Variants in ANKRD66 observed in about 807,000 individuals in gnomAD.
ANKRD66 encodes ankyrin repeat domain-containing protein 66.
A neutral mutation model predicts 10.9 loss-of-function variants in ANKRD66; 10 were observed. That is an observed-to-expected ratio of 0.91 (90% CI 0.56 to 1.55). The LOEUF is 1.55. ANKRD66 is among the 40% of genes most tolerant of loss of function. The pLI is 0.00. For synonymous variants in ANKRD66, 85 were observed against 88.4 expected (o/e 0.96, Z 0.22); for missense variants, 252 against 242.9 (o/e 1.04, Z -0.25).
chr6:46,758,491 A>G (rs1766422400), intron 4 of ANKRD66: 1 of 389,896 alleles, frequency 2.6e-6, no homozygotes, highest in East Asian at 3.7e-5. Context: ...AAGCTGAGTG[A>G]CTATCTTTGA....
At chr6:46,757,853 A>T (rs1582608681) in intron 4 of ANKRD66, 1 of 152,240 alleles carries the variant, frequency 6.6e-6, no homozygotes, top group Non-Finnish European at 1.5e-5. Context: ...GCTGGACATC[A>T]AGAAGGTTAA....
chr6:46,749,550 T>TCCCCCC (rs67764778), intron 1 of ANKRD66, among the ~76,000 whole-genome samples: 5 of 57,064 alleles, frequency 8.8e-5, no homozygotes, highest in African/African-American at 1.4e-4. Flanking sequence ...TCTCTTTTAT[T>TCCCCCC]CCCCCCCCCC....
intron 2 of ANKRD66, among the ~76,000 whole-genome samples, chr6:46,750,511 TTTG>T (rs1460444908): frequency 6.6e-6 from 1 of 151,714 alleles, no homozygotes; most frequent in Admixed American, 6.6e-5. Context: ...CTGCATTCAG[TTTG>T]TTGTTTTGGT....
At chr6:46,752,747 C>A (rs141222702) in intron 3 of ANKRD66, among the ~76,000 whole-genome samples, 196 of 152,294 alleles carry the variant, frequency 1.3e-3, no homozygotes, top group African/African-American at 4.5e-3. Context: ...GCCCTCTCAA[C>A]CTCTAACAGG....
chr6:46,747,746 C>T (rs1766180631), intron 1 of ANKRD66, among the ~76,000 whole-genome samples: 1 of 152,096 alleles, frequency 6.6e-6, no homozygotes, highest in African/African-American at 2.4e-5. Flanking sequence ...ATAAATAATG[C>T]TTCTAAGAAC....
chr6:46,752,505 G>T (rs576815400), intron 3 of ANKRD66, among the ~76,000 whole-genome samples: 10 of 152,198 alleles, frequency 6.6e-5, no homozygotes, highest in Admixed American at 3.3e-4. Context: ...AAAGTGCTGG[G>T]ATTACAGGCG....
At chr6:46,749,590 A>T (rs1582604343) in intron 1 of ANKRD66, among the ~76,000 whole-genome samples, 1 of 109,738 alleles carries the variant, frequency 9.1e-6, no homozygotes, top group Non-Finnish European at 1.7e-5. Context: ...TCCTCTTGGC[A>T]TAAAAATATT....
In ANKRD66 at chr6:46,759,046, C is replaced by G. The variant is rs774713733; in HGVS notation, c.*125C>G. ...ACCCACCTGGCTTCTGCCCATGGAC[C>G]TGTCATTAGGTGCTGTCCACATGGG... On this transcript the variant is annotated 3_prime_UTR_variant, in exon 5 of 5. Coordinates refer to ENST00000565422, the MANE Select transcript of ANKRD66 (RefSeq NM_001162435.3). 7 of 922,930 alleles carry G rather than the reference C, an allele frequency of 7.6e-6. No individual in the cohort carries two copies. Among genetic ancestry groups the G allele is most frequent in the Non-Finnish European group, 1.1e-5 (7 of 629,410 alleles). The allele number at this position is 922,930 out of a possible 1,614,324, so 57.2% of individuals were successfully genotyped here. A position where few individuals can be genotyped will look rare whatever the true frequency, so the allele number is the denominator to read the frequency against.
chr6:46,757,152 T>C (rs1352996030), intron 4 of ANKRD66: 2 of 152,164 alleles, frequency 1.3e-5, no homozygotes, highest in Non-Finnish European at 2.9e-5. Context: ...CTACTTATTA[T>C]CAGCTCCCAC....
intron 3 of ANKRD66, among the ~76,000 whole-genome samples, chr6:46,753,056 G>T (rs1246034106): frequency 6.6e-6 from 1 of 152,216 alleles, no homozygotes; most frequent in African/African-American, 2.4e-5. Context: ...AGTACAGAGT[G>T]ATGGTAGCTA....
In ANKRD66 at chr6:46,758,764, A is replaced by G. The variant is rs1261011593; in HGVS notation, c.434A>G (p.Gln145Arg). ...CAGGACCACCGTTGCGCTGCCCAGC[A>G]GAAGGGGCTGCCTCTGGATGAGCGT... ...ECQDHRCAAQ[Q>R]KGLPLDERDE... The change falls in exon 5 of 5, where the codon CAG becomes CGG. Residue 145 changes from glutamine (Q) to arginine (R), a missense_variant. Transcript: ENST00000565422. 1 of 1,551,030 alleles carries G rather than the reference A, an allele frequency of 6.4e-7. No individual in the cohort carries two copies. The highest frequency in any genetic ancestry group is 2.4e-5 in the East Asian group (1 of 40,922).
intron 1 of ANKRD66, among the ~76,000 whole-genome samples, chr6:46,749,495 T>C (rs1766216395): frequency 6.6e-6 from 1 of 151,744 alleles, no homozygotes; most frequent in African/African-American, 2.4e-5. Context: ...AGCAGGAGTT[T>C]TCTTTCCTAC....
rs1268128530 is a variant in ANKRD66, at chr6:46,751,971, A to G, written c.23A>G (p.Asp8Gly). The change falls in exon 3 of 5, where the codon GAC becomes GGC. Residue 8 changes from aspartate (D) to glycine (G), a missense_variant. Coordinates refer to ENST00000565422, the MANE Select transcript of ANKRD66 (RefSeq NM_001162435.3). MELAKMS[D>G]MTKLHQAVAA... is the part of the protein sequence containing the mutation. The stretch of plus-strand genomic sequence containing the variant: ...GCCATGGAATTGGCCAAAATGTCAG[A>G]CATGACAAAGCTTCACCAAGCTGTG... 6 of 1,475,124 alleles carry G rather than the reference A, an allele frequency of 4.1e-6. No homozygotes were observed. The highest frequency in any genetic ancestry group is 5.4e-6 in the Non-Finnish European group (6 of 1,116,042). 91.4% of individuals were successfully genotyped at this position (1,475,124 alleles called of 1,614,324 possible). A position where few individuals can be genotyped will look rare whatever the true frequency, so the allele number is the denominator to read the frequency against.
chr6:46,747,204 G>A lies in ANKRD66; in HGVS notation c.-97+214G>A, dbSNP rs369827093. 1.1e-4 allele frequency among the ~76,000 whole-genome samples: 17 copies of A among 152,208 alleles called. No homozygotes were observed. In the East Asian group the frequency reaches 3.3e-3, roughly 29 times the overall value. On this transcript the variant is annotated intron_variant, in intron 1 of 4. Coordinates refer to ENST00000565422, the MANE Select transcript of ANKRD66 (RefSeq NM_001162435.3). ...CAATTGATAAATTTCAGTAGTCAAT[G>A]CCAAGCTAGTGAGTTGTATATATTT...
chr6:46,749,550 T>TTCC (rs760188647), intron 1 of ANKRD66, among the ~76,000 whole-genome samples: 12 of 57,028 alleles, frequency 2.1e-4, no homozygotes, highest in Non-Finnish European at 3.7e-4. Context: ...TCTCTTTTAT[T>TTCC]CCCCCCCCCC....
At position 46,753,098 on chromosome 6, in the gene ANKRD66, T is replaced by C. The variant is rs1766303596; in HGVS notation, c.164-624T>C. On this transcript the variant is annotated intron_variant, in intron 3 of 4. Coordinates refer to ENST00000565422, the MANE Select transcript of ANKRD66 (RefSeq NM_001162435.3). ...AACACCTTTTAGTGAAGATTTGCTA[T>C]GTGCTGGGCACTGTGCTGTGTACTT... is the stretch of plus-strand genomic sequence containing the variant. Among the ~76,000 whole-genome samples the C allele has an allele frequency of 2.0e-5, 3 of 152,344 alleles. No individual in the cohort carries two copies. The South Asian group carries it at 6.2e-4, about 32-fold the overall frequency.
chr6:46,756,159 G>A, intron 4 of ANKRD66: 1 of 398,030 alleles, frequency 2.5e-6, no homozygotes, highest in Non-Finnish European at 4.9e-6. Flanking sequence ...CTAAGATCAT[G>A]GTAAACATTA....
In ANKRD66 at chr6:46,758,754, G is replaced by T. The variant is rs765382422; in HGVS notation, c.424G>T (p.Ala142Ser). 4 of 1,550,410 alleles carry T rather than the reference G, an allele frequency of 2.6e-6. No homozygotes were observed. The highest frequency in any genetic ancestry group is 4.9e-5 in the East Asian group (2 of 40,912). The change falls in exon 5 of 5, where the codon GCT (alanine) becomes TCT (serine). Residue 142 changes from alanine (A) to serine (S), a missense_variant. Physicochemically the swap from Ala to Ser is moderately conservative, Grantham distance 99. Transcript: ENST00000565422. ...GCCCGAGTGCCAGGACCACCGTTGC[G>T]CTGCCCAGCAGAAGGGGCTGCCTCT... ...AEPECQDHRC[A>S]AQQKGLPLDE...
intron 3 of ANKRD66, 98 bp from the exon 4 acceptor site, chr6:46,753,624 T>A (rs1582606623): frequency 8.2e-7 from 1 of 1,213,076 alleles, no homozygotes; most frequent in African/African-American, 1.5e-5. Context: ...AAAGGCAAAG[T>A]TTCCCCTTCT....
Sources: allele counts gnomAD v4.1 joint callset (sites outside exome capture counted in the v4.1 genomes callset), GRCh38; gene constraint gnomAD v4.1.1; transcripts MANE v1.5; gene names NCBI Gene and HGNC (gene_info 2026-07-23, HGNC 2026-07-21).